DTD1: variants seen among roughly 807,000 people sequenced by gnomAD.
DTD1 encodes D-tyrosyl-tRNA deacylase 1 homolog.
DTD1 carries 13 observed loss-of-function variants against 25.6 expected under a neutral mutation model. That is an observed-to-expected ratio of 0.51 (90% CI 0.33 to 0.81). The LOEUF is 0.81. Ranked by LOEUF, DTD1 falls within the 30% of genes least tolerant of loss-of-function variation. The probability of loss-of-function intolerance (pLI) is 0.02; values close to 1 mark genes in which losing one functional copy is unlikely to be tolerated. For missense variants in DTD1, 193 were observed against 266.4 expected (o/e 0.72, Z 1.92); for synonymous variants, 110 against 103.6 (o/e 1.06, Z -0.37).
intron 4 of DTD1, among the ~76,000 whole-genome samples, chr20:18,691,176 G>T (rs2122435760): frequency 6.6e-6 from 1 of 152,328 alleles, no homozygotes; most frequent in Non-Finnish European, 1.5e-5. Flanking sequence ...ATGTAAATTA[G>T]TACAGCCACT....
chr20:18,670,037 G>A (rs1167057404), intron 4 of DTD1, among the ~76,000 whole-genome samples: 1 of 152,170 alleles, frequency 6.6e-6, no homozygotes, highest in African/African-American at 2.4e-5. Flanking sequence ...CTGCAAATTA[G>A]CTTCCTTCTT....
intron 3 of DTD1, 152 bp downstream of exon 3, chr20:18,596,393 T>A: frequency 1.5e-6 from 1 of 659,092 alleles, no homozygotes; most frequent in Non-Finnish European, 2.6e-6. Flanking sequence ...CTGCTATTGC[T>A]GCTGTTGTAC....
At chr20:18,713,819 C>T (rs1262368061) in intron 4 of DTD1, among the ~76,000 whole-genome samples, 1 of 152,228 alleles carries the variant, frequency 6.6e-6, no homozygotes, top group African/African-American at 2.4e-5. Context: ...GTTCTCTCCT[C>T]AAGGGCAGGT....
At chr20:18,709,120 C>T (rs999667562) in intron 4 of DTD1, among the ~76,000 whole-genome samples, 1 of 152,126 alleles carries the variant, frequency 6.6e-6, no homozygotes, top group South Asian at 2.1e-4. Flanking sequence ...ATGTACAGAG[C>T]GTGTTATTTC....
At chr20:18,588,209 C>A in intron 1 of DTD1, 94 bp downstream of exon 1, 2 of 1,116,378 alleles carry the variant, frequency 1.8e-6, no homozygotes, top group Non-Finnish European at 2.3e-6. Flanking sequence ...ATCCTTGGGG[C>A]CGCTGCGGCC....
intron 4 of DTD1, among the ~76,000 whole-genome samples, chr20:18,718,600 T>C (rs2061190843): frequency 2.0e-5 from 3 of 152,276 alleles, no homozygotes; most frequent in South Asian, 4.1e-4. Flanking sequence ...ATATAGATTA[T>C]ATAAGGTTGA....
At chr20:18,674,218 G>T (rs1455884573) in intron 4 of DTD1, among the ~76,000 whole-genome samples, 1 of 152,078 alleles carries the variant, frequency 6.6e-6, no homozygotes. Flanking sequence ...TCCAGTGTTT[G>T]CCTGCAGTGT....
At chr20:18,664,909 T>C (rs2060925711) in intron 4 of DTD1, among the ~76,000 whole-genome samples, 3 of 151,826 alleles carry the variant, frequency 2.0e-5, no homozygotes, top group African/African-American at 7.3e-5. Flanking sequence ...ACCTCTTCCT[T>C]AAGGGAGACC....
At chr20:18,683,907 A>T (rs906806195) in intron 4 of DTD1, among the ~76,000 whole-genome samples, 6 of 151,994 alleles carry the variant, frequency 3.9e-5, no homozygotes, top group African/African-American at 1.5e-4. Flanking sequence ...CAAAGCCCTG[A>T]CCTCTTGTAA....
At chr20:18,600,337 C>G (rs2060628716) in intron 3 of DTD1, among the ~76,000 whole-genome samples, 1 of 150,190 alleles carries the variant, frequency 6.7e-6, no homozygotes, top group Non-Finnish European at 1.5e-5. Flanking sequence ...TCCAGTTATT[C>G]CAACATCATT....
At chr20:18,735,938 CTT>C (rs575677760) in intron 4 of DTD1, among the ~76,000 whole-genome samples, 2 of 151,938 alleles carry the variant, frequency 1.3e-5, no homozygotes, top group African/African-American at 4.8e-5. Flanking sequence ...TGCACAGACT[CTT>C]TTTTTTCAGT....
chr20:18,667,480 G>A (rs1236666900), intron 4 of DTD1, among the ~76,000 whole-genome samples: 1 of 152,210 alleles, frequency 6.6e-6, no homozygotes. Context: ...ACCAAATGGG[G>A]CTGCTCTGCT....
chr20:18,660,499 G>A (rs2060905883), intron 4 of DTD1, among the ~76,000 whole-genome samples: 1 of 152,088 alleles, frequency 6.6e-6, no homozygotes, highest in South Asian at 2.1e-4. Context: ...GGGATTACAG[G>A]CATGAGCCAC....
At chr20:18,720,719 A>G (rs1185873794) in intron 4 of DTD1, among the ~76,000 whole-genome samples, 2 of 152,162 alleles carry the variant, frequency 1.3e-5, no homozygotes, top group African/African-American at 4.8e-5. Context: ...TTAGCCAGGC[A>G]TGGCAGTGTG....
At chr20:18,667,082 A>T (rs1297735288) in intron 4 of DTD1, among the ~76,000 whole-genome samples, 1 of 152,166 alleles carries the variant, frequency 6.6e-6, no homozygotes, top group Non-Finnish European at 1.5e-5. Context: ...CAGGTGTGAG[A>T]GAATTCTAAG....
chr20:18,702,692 T>A (rs2061110655), intron 4 of DTD1, among the ~76,000 whole-genome samples: 2 of 137,406 alleles, frequency 1.5e-5, no homozygotes, highest in Admixed American at 1.6e-4. Context: ...AGGAATCTGG[T>A]CACAAAGGTA....
intron 4 of DTD1, among the ~76,000 whole-genome samples, chr20:18,739,688 C>A (rs2061269468): frequency 6.6e-6 from 1 of 152,128 alleles, no homozygotes; most frequent in Non-Finnish European, 1.5e-5. Context: ...TGACATTTTG[C>A]TTGAGCTCAT....
rs1029518506 is a variant in DTD1, at chr20:18,606,403, T to G, written c.370+10162T>G. Among the ~76,000 whole-genome samples the G allele has an allele frequency of 1.4e-4, 19 of 137,562 alleles. 2 individuals carry two copies. 90.2% of individuals were successfully genotyped at this position (137,562 alleles called of 152,430 possible). On this transcript the variant is annotated intron_variant, in intron 3 of 5. Coordinates refer to ENST00000377452, the MANE Select transcript of DTD1 (RefSeq NM_080820.6). The stretch of plus-strand genomic sequence containing the variant: ...CAGGGATCTAGAACTAGAAATACCA[T>G]TTGACCCGGCCATCCCATTACTGGG...
At chr20:18,689,567 T>A (rs1279991716) in intron 4 of DTD1, among the ~76,000 whole-genome samples, 14 of 152,184 alleles carry the variant, frequency 9.2e-5, no homozygotes. Flanking sequence ...CAGTGGCATA[T>A]GGAGAGGGTC....
Sources: gnomAD v4.1 joint callset for allele counts (sites outside exome capture counted in the v4.1 genomes callset) on GRCh38, gnomAD v4.1.1 for gene constraint, MANE v1.5 for transcripts, NCBI Gene and HGNC (gene_info 2026-07-23, HGNC 2026-07-21) for gene names.